Variants in LPIN2 observed in about 807,000 individuals in gnomAD.
The protein encoded by LPIN2 is lipin 2, also known as phosphatidate phosphatase LPIN2.
A neutral mutation model predicts 111.4 loss-of-function variants in LPIN2; 55 were observed. That is an observed-to-expected ratio of 0.49 (90% confidence interval 0.40 to 0.62). The LOEUF is 0.62. LPIN2 is among the 20% of genes least tolerant of loss of function. The pLI is 0.00. For missense variants in LPIN2, 992 were observed against 1,112.1 expected, an observed-to-expected ratio of 0.89 and a Z score of 1.54; for synonymous variants, 425 against 414.0, an observed-to-expected ratio of 1.03 and a Z score of -0.32.
chr18:3,005,649 C>T (rs1399199310), intron 1 of LPIN2, among the ~76,000 whole-genome samples: 2 of 149,180 alleles, frequency 1.3e-5, no homozygotes, highest in Non-Finnish European at 3.0e-5. Flanking sequence ...TGTACTCCAG[C>T]CTGGACAACA....
At chr18:2,924,215 T>C (rs1461873877) in intron 15 of LPIN2, among the ~76,000 whole-genome samples, 183 bp downstream of exon 15, 1 of 152,060 alleles carries the variant, frequency 6.6e-6, no homozygotes, top group Non-Finnish European at 1.5e-5. Context: ...ACCCTCACCA[T>C]CTCCTCCATG....
At chr18:3,002,550 C>T (rs1410231647) in intron 1 of LPIN2, among the ~76,000 whole-genome samples, 1 of 152,150 alleles carries the variant, frequency 6.6e-6, no homozygotes, top group Non-Finnish European at 1.5e-5. Flanking sequence ...AAAATTCATG[C>T]AGCCATAGAT....
chr18:2,946,346 T>C (rs754771838), intron 4 of LPIN2: 2 of 1,501,794 alleles, frequency 1.3e-6, no homozygotes, highest in Non-Finnish European at 1.9e-6. Context: ...CTCACTATTA[T>C]GTCTACCTTT....
At position 2,922,219 on chromosome 18, in the gene LPIN2, G is replaced by T. The variant is rs759716415; in HGVS notation, c.2175-20C>A. 6.2e-7 allele frequency: 1 copy of T among 1,612,902 alleles called. No individual in the cohort carries two copies. The highest frequency in any genetic ancestry group is 2.2e-5 in the East Asian group (1 of 44,854). On this transcript the variant is annotated intron_variant, in intron 16 of 19. Transcript: ENST00000677752. ...CCATTCCTGAAAGAAAACACACCCTGTTAGCCCACATGTTCTGGCTAAGGG... is the reference window on the plus strand; with the variant it reads ...CCATTCCTGAAAGAAAACACACCCTTTTAGCCCACATGTTCTGGCTAAGGG...
intron 2 of LPIN2, among the ~76,000 whole-genome samples, chr18:2,955,745 G>A (rs572940466): frequency 1.1e-4 from 17 of 152,122 alleles, no homozygotes; most frequent in African/African-American, 2.6e-4. Flanking sequence ...GTGAAACCCC[G>A]CCTCTACCAA....
intron 4 of LPIN2, among the ~76,000 whole-genome samples, chr18:2,947,583 G>A (rs1441062589): frequency 6.6e-6 from 1 of 152,146 alleles, no homozygotes; most frequent in African/African-American, 2.4e-5. Context: ...CTCCTTCAAG[G>A]AGCCTCAATT....
chr18:3,011,130 AG>A (rs1405379220), intron 1 of LPIN2, among the ~76,000 whole-genome samples: 1 of 152,166 alleles, frequency 6.6e-6, no homozygotes, highest in Non-Finnish European at 1.5e-5. Context: ...TAAAACCAAA[AG>A]TGCAATACAG....
At chr18:2,985,076 G>C (rs2143393805) in intron 1 of LPIN2, 1 of 152,442 alleles carries the variant, frequency 6.6e-6, no homozygotes, top group Non-Finnish European at 1.5e-5. Context: ...TGTTTTAGCT[G>C]ATGACTCCCA....
rs143694677 is a variant in LPIN2, at chr18:2,985,817, C to G, written c.-9-24968G>C. Among the ~76,000 whole-genome samples, 1,293 of 152,288 alleles carry G rather than the reference C, an allele frequency of 8.5e-3. 16 individuals are homozygous for G. The highest frequency in any genetic ancestry group is 0.03 in the African/African-American group (1,227 of 41,558). On this transcript the variant is annotated intron_variant, in intron 1 of 19. Transcript: ENST00000677752. ...AAACATGAAAATAATTGTACTCCCC[C>G]CCAGTGGCCATACTATGGAAACACA...
chr18:2,953,737 T>C (rs1303177686), intron 3 of LPIN2, among the ~76,000 whole-genome samples: 2 of 152,220 alleles, frequency 1.3e-5, no homozygotes, highest in African/African-American at 4.8e-5. Context: ...ATTTGAGACT[T>C]TATTCTTTAT....
At chr18:2,981,881 TCTCA>T (rs776980269) in intron 1 of LPIN2, among the ~76,000 whole-genome samples, 1 of 152,240 alleles carries the variant, frequency 6.6e-6, no homozygotes, top group African/African-American at 2.4e-5. Context: ...CTAATTTTTG[TCTCA>T]CTGATTTTAT....
intron 4 of LPIN2, among the ~76,000 whole-genome samples, chr18:2,944,524 G>T (rs184335545): frequency 6.6e-6 from 1 of 151,482 alleles, no homozygotes; most frequent in South Asian, 2.1e-4. Context: ...GCTAATTTTT[G>T]TATTTCTAGT....
chr18:2,965,933 A>G (rs1164460013), intron 1 of LPIN2, among the ~76,000 whole-genome samples: 1 of 152,056 alleles, frequency 6.6e-6, no homozygotes, highest in Non-Finnish European at 1.5e-5. Flanking sequence ...GACACATTCT[A>G]TTTACTTTTA....
intron 2 of LPIN2, among the ~76,000 whole-genome samples, chr18:2,956,465 T>C (rs2077619270): frequency 6.6e-6 from 1 of 152,134 alleles, no homozygotes. Flanking sequence ...ATACTATTCT[T>C]CAATAAAAGG....
In LPIN2 at chr18:2,960,810, C is replaced by T. The variant is rs752882976; in HGVS notation, c.31G>A (p.Val11Met). The T allele has an allele frequency of 6.2e-7, 1 of 1,614,114 alleles. No homozygotes were observed. The highest frequency in any genetic ancestry group is 1.1e-5 in the South Asian group (1 of 91,080). ...TAGAGTTCCTTCACAGTGACAATCA[C>T]CTGCCCAGCCAGCTGTCCCACATAA... MNYVGQLAGQ[V>M]IVTVKELYKG... The change falls in exon 2 of 20, where the codon GTG becomes ATG. Residue 11 changes from valine (V) to methionine (M), a missense_variant. Transcript: ENST00000677752.
At chr18:3,010,253 G>A (rs1262281143) in intron 1 of LPIN2, among the ~76,000 whole-genome samples, 1 of 151,424 alleles carries the variant, frequency 6.6e-6, no homozygotes, top group Non-Finnish European at 1.5e-5. Context: ...AAAAATCACA[G>A]TTAATTACCA....
chr18:2,943,224 C>T (rs2144223029), intron 4 of LPIN2, among the ~76,000 whole-genome samples: 1 of 148,814 alleles, frequency 6.7e-6, no homozygotes. Flanking sequence ...TTTAGAGAAA[C>T]AAATCAATAA....
At chr18:2,981,291 A>G (rs2078106452) in intron 1 of LPIN2, among the ~76,000 whole-genome samples, 1 of 152,226 alleles carries the variant, frequency 6.6e-6, no homozygotes, top group African/African-American at 2.4e-5. Flanking sequence ...CTATATAATC[A>G]TTACAGGCTA....
At chr18:2,946,648 G>GA in intron 4 of LPIN2, 3 of 653,590 alleles carry the variant, frequency 4.6e-6, no homozygotes, top group South Asian at 1.8e-5. Context: ...TTTAAAGTGA[G>GA]AAAAAAATCA....
Sources: gnomAD v4.1 joint callset for allele counts (sites outside exome capture counted in the v4.1 genomes callset) on GRCh38, gnomAD v4.1.1 for gene constraint, MANE v1.5 for transcripts, NCBI Gene and HGNC (gene_info 2026-07-23, HGNC 2026-07-21) for gene names.